Variants in GRID2 observed in about 807,000 individuals in gnomAD.
GRID2 encodes glutamate receptor ionotropic, delta-2.
GRID2 carries 33 observed loss-of-function variants against 114.8 expected under a neutral mutation model. The observed-to-expected ratio is 0.29, with a 90% confidence interval of 0.22 to 0.38. The LOEUF (loss-of-function observed/expected upper bound fraction) is 0.38. Among genes scored for constraint, GRID2 ranks in the 10% least tolerant of loss-of-function variants. The pLI is 1.00. For missense variants in GRID2, 1,184 were observed against 1,257.7 expected, an observed-to-expected ratio of 0.94 and a Z score of 0.89; for synonymous variants, 505 against 449.9, an observed-to-expected ratio of 1.12 and a Z score of -1.55.
chr4:92,990,466 C>T (rs1754823000), intron 2 of GRID2, among the ~76,000 whole-genome samples: 1 of 151,612 alleles, frequency 6.6e-6, no homozygotes, highest in African/African-American at 2.4e-5. Context: ...CACGCCACCA[C>T]ATCCTACTAA....
chr4:93,041,097 CAATA>C lies in GRID2; in HGVS notation c.245-43887_245-43884del, dbSNP rs533142915. Reference sequence around the variant, plus strand: ...AAATAATAGAGAATTTTCAGTGTTTCAATAAATAAATAAAATATTATTAGTGAAG... The same window carrying C: ...AAATAATAGAGAATTTTCAGTGTTTCAATAAATAAAATATTATTAGTGAAG... On this transcript the variant is annotated intron_variant, in intron 2 of 15. Transcript: ENST00000282020. Among the ~76,000 whole-genome samples, 44 of 151,998 alleles carry C rather than the reference CAATA, an allele frequency of 2.9e-4. No individual in the cohort carries two copies. In the South Asian group the frequency reaches 2.9e-3, roughly 10 times the overall value.
At chr4:93,532,548 A>G (rs985457502) in intron 13 of GRID2, among the ~76,000 whole-genome samples, 2 of 152,178 alleles carry the variant, frequency 1.3e-5, no homozygotes, top group Admixed American at 6.6e-5. Context: ...AGCCTGCAGG[A>G]GAGTTGTGAA....
rs60017147 is a variant in GRID2 at position 93,126,584 on chromosome 4, C to CTTTTTTTT, written c.735+15655_735+15662dup. Reference sequence around the variant, plus strand: ...GACAGTCATTGATAACTATTTAATTCTTTTTTTTTTTTTTTTTTTTTTTTT... The same window carrying CTTTTTTTT: ...GACAGTCATTGATAACTATTTAATTCTTTTTTTTTTTTTTTTTTTTTTTTTTTTTTTTT... On this transcript the variant is annotated intron_variant, in intron 4 of 15. Transcript: ENST00000282020. 2.0e-3 allele frequency among the ~76,000 whole-genome samples: 103 copies of CTTTTTTTT among 52,748 alleles called. 7 individuals are homozygous for CTTTTTTTT. The highest frequency in any genetic ancestry group is 2.7e-3 in the East Asian group (4 of 1,486). 34.6% of individuals were successfully genotyped at this position (52,748 alleles called of 152,430 possible).
At chr4:93,371,749 T>TTC (rs1762940859) in intron 8 of GRID2, among the ~76,000 whole-genome samples, 1 of 138,866 alleles carries the variant, frequency 7.2e-6, no homozygotes, top group Non-Finnish European at 1.5e-5. Flanking sequence ...TTCTTTTTTT[T>TTC]TTTTTTTTTT....
intron 1 of GRID2, among the ~76,000 whole-genome samples, chr4:92,528,783 A>G (rs72661932): frequency 0.012 from 1,802 of 151,088 alleles, 14 homozygotes; most frequent in Non-Finnish European, 0.019. Flanking sequence ...ATGCTCCACT[A>G]AAGTCGTTTC....
At chr4:93,771,919 G>C (rs952716119) in intron 15 of GRID2, among the ~76,000 whole-genome samples, 157 bp from the exon 16 acceptor site, 9 of 151,856 alleles carry the variant, frequency 5.9e-5, no homozygotes, top group Non-Finnish European at 7.4e-5. Context: ...CCAGAACTTA[G>C]CACAGTGCCT....
chr4:93,775,260 T>C (rs1221384721), downstream of GRID2, among the ~76,000 whole-genome samples: 3 of 152,062 alleles, frequency 2.0e-5, no homozygotes, highest in Non-Finnish European at 4.4e-5. Context: ...ATTTTACAAA[T>C]CAGGGAAAAT....
At chr4:93,128,060 C>T (rs13434438) in intron 4 of GRID2, among the ~76,000 whole-genome samples, 1 of 68,858 alleles carries the variant, frequency 1.5e-5, no homozygotes, top group African/African-American at 5.2e-5. Flanking sequence ...AAAAAAAAAA[C>T]AACAGTACGT....
intron 10 of GRID2, among the ~76,000 whole-genome samples, chr4:93,430,615 C>T (rs1248405188): frequency 6.6e-6 from 1 of 152,212 alleles, no homozygotes; most frequent in Non-Finnish European, 1.5e-5. Flanking sequence ...TCTCTATGTG[C>T]TATGCACTGT....
At chr4:92,319,372 G>A (rs1027079496) in intron 1 of GRID2, among the ~76,000 whole-genome samples, 3 of 152,178 alleles carry the variant, frequency 2.0e-5, no homozygotes, top group African/African-American at 7.2e-5. Flanking sequence ...GCTTCATGAT[G>A]TGGCCCTTGA....
At chr4:92,740,697 TAGATAGATAGA>T (rs1736837454) in intron 2 of GRID2, among the ~76,000 whole-genome samples, 2 of 99,738 alleles carry the variant, frequency 2.0e-5, no homozygotes, top group East Asian at 2.5e-4. Context: ...AGATGATAGA[TAGATAGATAGA>T]TAGATAGATA....
intron 2 of GRID2, among the ~76,000 whole-genome samples, chr4:92,883,180 A>C (rs1746140427): frequency 6.6e-6 from 1 of 152,242 alleles, no homozygotes; most frequent in Non-Finnish European, 1.5e-5. Flanking sequence ...CAAGATTTAT[A>C]GCATCTTCAC....
chr4:93,598,047 G>A (rs925390092), intron 13 of GRID2, among the ~76,000 whole-genome samples: 2 of 152,094 alleles, frequency 1.3e-5, no homozygotes, highest in African/African-American at 4.8e-5. Flanking sequence ...TGCTGTGAAC[G>A]AACAATGGAC....
intron 2 of GRID2, among the ~76,000 whole-genome samples, chr4:92,941,873 G>A (rs1751172536): frequency 6.6e-6 from 1 of 152,192 alleles, no homozygotes; most frequent in Admixed American, 6.5e-5. Flanking sequence ...ATGTAGTTGA[G>A]TGGTTTTGAG....
At chr4:93,535,445 C>T (rs955275992) in intron 13 of GRID2, among the ~76,000 whole-genome samples, 15 of 151,978 alleles carry the variant, frequency 9.9e-5, no homozygotes, top group Admixed American at 2.6e-4. Flanking sequence ...ATGGTAGTTT[C>T]ATTTTTAATT....
intron 2 of GRID2, among the ~76,000 whole-genome samples, chr4:92,866,982 C>A (rs1487128782): frequency 6.6e-6 from 1 of 152,038 alleles, no homozygotes; most frequent in South Asian, 2.1e-4. Flanking sequence ...TTCAATGAAG[C>A]TTTTATGTCC....
intron 2 of GRID2, among the ~76,000 whole-genome samples, chr4:92,742,670 C>G (rs1229598824): frequency 6.6e-6 from 1 of 152,102 alleles, no homozygotes; most frequent in African/African-American, 2.4e-5. Flanking sequence ...CTTTACAAGA[C>G]CAACACTTCA....
At chr4:92,966,165 C>A (rs1000440767) in intron 2 of GRID2, among the ~76,000 whole-genome samples, 1 of 151,882 alleles carries the variant, frequency 6.6e-6, no homozygotes, top group Non-Finnish European at 1.5e-5. Context: ...AAACAAAGGG[C>A]AAGGCCTCTG....
At chr4:93,589,621 T>G (rs1357415452) in intron 13 of GRID2, among the ~76,000 whole-genome samples, 1 of 151,940 alleles carries the variant, frequency 6.6e-6, no homozygotes, top group South Asian at 2.1e-4. Flanking sequence ...CCCTGAGGAA[T>G]CGCCACACTG....
Sources: gnomAD v4.1 joint callset for allele counts (sites outside exome capture counted in the v4.1 genomes callset) on GRCh38, gnomAD v4.1.1 for gene constraint, MANE v1.5 for transcripts, NCBI Gene and HGNC (gene_info 2026-07-23, HGNC 2026-07-21) for gene names.